The following DLGAP1 variants were observed in gnomAD, a reference collection of about 807,000 sequenced individuals.
DLGAP1 encodes the protein disks large-associated protein 1.
DLGAP1 carries 11 observed loss-of-function variants against 90.8 expected under a neutral mutation model. The observed-to-expected ratio is 0.12, with a 90% CI of 0.08 to 0.20. The LOEUF (loss-of-function observed/expected upper bound fraction) is 0.20, where lower values mean the gene tolerates loss of function less well. Ranked by LOEUF, DLGAP1 falls within the 10% of genes least tolerant of loss-of-function variation. DLGAP1 has a pLI of 1.00. For synonymous variants in DLGAP1, 558 were observed against 540.7 expected (o/e 1.03, Z -0.44); for missense variants, 1,050 against 1,333.8 (o/e 0.79, Z 3.31).
chr18:3,867,425 G>A lies in DLGAP1; in HGVS notation c.957+11687C>T, dbSNP rs115618707. Among the ~76,000 whole-genome samples, 734 of 152,284 alleles carry A rather than the reference G, an allele frequency of 4.8e-3. 9 individuals carry two copies. The highest frequency in any genetic ancestry group is 0.016 in the African/African-American group (655 of 41,548). On this transcript the variant is annotated intron_variant, in intron 4 of 12. Transcript: ENST00000315677. ...GTGAGAGAAGGGAGTACTGGGGAGG[G>A]GAAAGTATTGCTGAGCTCAGCTCTC...
chr18:4,295,536 G>A (rs1336780756), intron 1 of DLGAP1: 2 of 152,156 alleles, frequency 1.3e-5, no homozygotes, highest in African/African-American at 2.4e-5. Flanking sequence ...AATTTTTCTA[G>A]CAGTGTTCAT....
At chr18:4,286,002 C>G (rs930701366) in intron 1 of DLGAP1, among the ~76,000 whole-genome samples, 4 of 151,922 alleles carry the variant, frequency 2.6e-5, no homozygotes, top group South Asian at 2.1e-4. Flanking sequence ...TTACCCCACT[C>G]AGAGAGAGAG....
intron 2 of DLGAP1, among the ~76,000 whole-genome samples, chr18:4,063,157 CA>C (rs1488237085): frequency 6.6e-6 from 1 of 152,010 alleles, no homozygotes; most frequent in African/African-American, 2.4e-5. Flanking sequence ...GTAACAGATA[CA>C]GAGTAGAACT....
intron 7 of DLGAP1, among the ~76,000 whole-genome samples, chr18:3,629,629 G>A (rs967363867): frequency 2.6e-5 from 4 of 151,878 alleles, no homozygotes; most frequent in Non-Finnish European, 5.9e-5. Flanking sequence ...CCGAGATCGC[G>A]CCACCGCACT....
chr18:4,028,639 A>G (rs1299800283), intron 2 of DLGAP1, among the ~76,000 whole-genome samples: 1 of 152,214 alleles, frequency 6.6e-6, no homozygotes, highest in Non-Finnish European at 1.5e-5. Flanking sequence ...GAAAAAATGA[A>G]ATCTGTTATC....
chr18:3,513,975 G>C (rs2050685791), intron 10 of DLGAP1, among the ~76,000 whole-genome samples: 1 of 152,132 alleles, frequency 6.6e-6, no homozygotes, highest in Non-Finnish European at 1.5e-5. Context: ...TCAGTGTGCT[G>C]GTGATCTTTT....
At chr18:3,835,814 T>C (rs903804676) in intron 4 of DLGAP1, among the ~76,000 whole-genome samples, 2 of 152,184 alleles carry the variant, frequency 1.3e-5, no homozygotes, top group Admixed American at 6.5e-5. Flanking sequence ...AAGTTTCCAA[T>C]AATAGCATAG....
chr18:3,955,612 G>A (rs2073069166), intron 3 of DLGAP1, among the ~76,000 whole-genome samples: 1 of 152,138 alleles, frequency 6.6e-6, no homozygotes, highest in East Asian at 1.9e-4. Context: ...TACTCGGGAG[G>A]CTGAGGCAGG....
At chr18:4,281,860 T>G (rs2079560012) in intron 1 of DLGAP1, among the ~76,000 whole-genome samples, 1 of 152,220 alleles carries the variant, frequency 6.6e-6, no homozygotes, top group Non-Finnish European at 1.5e-5. Flanking sequence ...TATACCTATA[T>G]ACTTCCTATG....
At chr18:4,027,001 G>C (rs1276989828) in intron 2 of DLGAP1, among the ~76,000 whole-genome samples, 2 of 152,046 alleles carry the variant, frequency 1.3e-5, no homozygotes, top group Non-Finnish European at 2.9e-5. Flanking sequence ...GAAGAGACAG[G>C]CTCCTTACAT....
chr18:4,349,303 C>T (rs1023337287), intron 1 of DLGAP1, among the ~76,000 whole-genome samples: 2 of 152,068 alleles, frequency 1.3e-5, no homozygotes, highest in Non-Finnish European at 2.9e-5. Context: ...AAACGACTGG[C>T]CAGCACTCTT....
At chr18:3,955,079 A>G (rs1034549517) in intron 3 of DLGAP1, among the ~76,000 whole-genome samples, 2 of 152,142 alleles carry the variant, frequency 1.3e-5, no homozygotes, top group South Asian at 2.1e-4. Flanking sequence ...GCGGGGGGGA[A>G]GGAACATCAG....
chr18:4,110,223 C>A (rs115443769), intron 2 of DLGAP1, among the ~76,000 whole-genome samples: 1,640 of 152,264 alleles, frequency 0.011, 10 homozygotes, highest in African/African-American at 0.028. Flanking sequence ...TGTGACTGTA[C>A]TAGATGCTGT....
intron 5 of DLGAP1, among the ~76,000 whole-genome samples, chr18:3,780,431 C>A (rs1423856025): frequency 1.3e-5 from 2 of 152,142 alleles, no homozygotes; most frequent in Non-Finnish European, 2.9e-5. Flanking sequence ...TCTTTCCTTG[C>A]CTTTTCCAGC....
chr18:4,444,168 G>A (rs978842501), intron 1 of DLGAP1, among the ~76,000 whole-genome samples: 2 of 152,188 alleles, frequency 1.3e-5, no homozygotes, highest in Non-Finnish European at 2.9e-5. Flanking sequence ...GTGACCACGA[G>A]GGAGACGCTC....
rs527880073 is a variant in DLGAP1, at chr18:4,364,017, C to A, written c.-267+90989G>T. Among the ~76,000 whole-genome samples, 578 of 151,668 alleles carry A rather than the reference C, an allele frequency of 3.8e-3. 2 individuals are homozygous for A. Among genetic ancestry groups the A allele is most frequent in the Non-Finnish European group, 6.6e-3 (449 of 67,908 alleles). On this transcript the variant is annotated intron_variant, in intron 1 of 12. Coordinates refer to ENST00000315677, the MANE Select transcript of DLGAP1 (RefSeq NM_004746.4). Reference sequence around the variant, plus strand: ...ACTTGGAACCAACCCAAATGTCCAACAATGATAGACTGGATTAAGAAAATG... The same window carrying A: ...ACTTGGAACCAACCCAAATGTCCAAAAATGATAGACTGGATTAAGAAAATG...
chr18:3,563,511 C>T (rs1204577698), intron 9 of DLGAP1, among the ~76,000 whole-genome samples: 1 of 151,364 alleles, frequency 6.6e-6, no homozygotes, highest in Non-Finnish European at 1.5e-5. Flanking sequence ...CTCTTGTTGC[C>T]CAGGCTGGAG....
chr18:3,846,570 G>T (rs891824346), intron 4 of DLGAP1, among the ~76,000 whole-genome samples: 6 of 152,098 alleles, frequency 3.9e-5, no homozygotes, highest in Non-Finnish European at 5.9e-5. Context: ...CTGATGAAAG[G>T]ATTAAAAGTG....
intron 7 of DLGAP1, among the ~76,000 whole-genome samples, chr18:3,674,294 A>T (rs866934779): frequency 7.1e-5 from 3 of 42,262 alleles, no homozygotes; most frequent in African/African-American, 1.4e-4. Context: ...CTATAATATT[A>T]AAATATATAT....
Sources: gnomAD v4.1 joint callset for allele counts (sites outside exome capture counted in the v4.1 genomes callset) on GRCh38, gnomAD v4.1.1 for gene constraint, MANE v1.5 for transcripts, NCBI Gene and HGNC (gene_info 2026-07-23, HGNC 2026-07-21) for gene names.